PRKG1: variants seen among roughly 807,000 people sequenced by gnomAD.
PRKG1 encodes the protein protein kinase cGMP-dependent 1, also known as cGMP-dependent protein kinase 1.
Under a neutral mutation model 88.1 loss-of-function variants are expected in PRKG1, and 35 were observed. The observed-to-expected ratio is 0.40, with a 90% confidence interval of 0.30 to 0.53. The LOEUF (loss-of-function observed/expected upper bound fraction) is 0.53, where lower values mean the gene tolerates loss of function less well. Ranked by LOEUF, PRKG1 falls within the 20% of genes least tolerant of loss-of-function variation. PRKG1 has a pLI of 0.59. For synonymous variants in PRKG1, 303 were observed against 292.5 expected (o/e 1.04, Z -0.37); for missense variants, 540 against 839.8 (o/e 0.64, Z 4.41).
At chr10:52,228,585 C>T (rs1056512092) in intron 9 of PRKG1, among the ~76,000 whole-genome samples, 4 of 152,198 alleles carry the variant, frequency 2.6e-5, no homozygotes, top group African/African-American at 9.6e-5. Context: ...GAGCAAACAT[C>T]TGCTCCCCTT....
At chr10:52,088,378 T>C (rs1846968803) in intron 7 of PRKG1, among the ~76,000 whole-genome samples, 1 of 151,278 alleles carries the variant, frequency 6.6e-6, no homozygotes, top group Non-Finnish European at 1.5e-5. Flanking sequence ...TATATATTTA[T>C]ATATTCAATT....
intron 5 of PRKG1, among the ~76,000 whole-genome samples, chr10:52,011,472 C>T (rs1389558802): frequency 6.6e-6 from 1 of 152,144 alleles, no homozygotes; most frequent in Non-Finnish European, 1.5e-5. Flanking sequence ...CTCCCCTCCG[C>T]CTCCTTTTTT....
intron 2 of PRKG1, among the ~76,000 whole-genome samples, chr10:51,287,374 T>C (rs1264564732): frequency 6.6e-6 from 1 of 152,198 alleles, no homozygotes; most frequent in Non-Finnish European, 1.5e-5. Flanking sequence ...TTTGAGAAGA[T>C]ACCTGTGTGT....
chr10:51,737,815 G>A (rs1165082793), intron 3 of PRKG1, among the ~76,000 whole-genome samples: 1 of 150,822 alleles, frequency 6.6e-6, no homozygotes, highest in Non-Finnish European at 1.5e-5. Context: ...CCAGGCTGGA[G>A]TGCAATGGCA....
chr10:51,059,038 T>C (rs1204008487), intron 1 of PRKG1, among the ~76,000 whole-genome samples: 1 of 152,228 alleles, frequency 6.6e-6, no homozygotes, highest in East Asian at 1.9e-4. Flanking sequence ...TGTTTGTTTG[T>C]TTGTTACTGG....
At chr10:51,932,743 T>C (rs918546641) in intron 5 of PRKG1, among the ~76,000 whole-genome samples, 2 of 152,152 alleles carry the variant, frequency 1.3e-5, no homozygotes, top group Non-Finnish European at 2.9e-5. Flanking sequence ...TTGTGAAACC[T>C]TTCTGTAGCT....
At chr10:51,363,405 T>C (rs922483395) in intron 2 of PRKG1, among the ~76,000 whole-genome samples, 3 of 151,888 alleles carry the variant, frequency 2.0e-5, no homozygotes, top group Non-Finnish European at 4.4e-5. Context: ...AGGAGAAGAT[T>C]GTGAATATCA....
intron 3 of PRKG1, among the ~76,000 whole-genome samples, chr10:51,693,470 C>T (rs1841199958): frequency 6.6e-6 from 1 of 151,666 alleles, no homozygotes; most frequent in Non-Finnish European, 1.5e-5. Flanking sequence ...GGCACAATCT[C>T]GACTCACTTC....
intron 2 of PRKG1, among the ~76,000 whole-genome samples, chr10:51,462,848 T>A (rs1009546642): frequency 6.6e-6 from 1 of 152,200 alleles, no homozygotes; most frequent in Non-Finnish European, 1.5e-5. Context: ...GAATTTTTTT[T>A]ATATTTCTTC....
chr10:51,491,327 A>G (rs1313086853), intron 3 of PRKG1, among the ~76,000 whole-genome samples: 1 of 152,124 alleles, frequency 6.6e-6, no homozygotes, highest in Non-Finnish European at 1.5e-5. Context: ...CTCCTAAAGG[A>G]ATTTTCTCTC....
chr10:51,802,845 A>C (rs1156565185), intron 3 of PRKG1, among the ~76,000 whole-genome samples: 1 of 152,180 alleles, frequency 6.6e-6, no homozygotes, highest in African/African-American at 2.4e-5. Flanking sequence ...AAAATGCTGC[A>C]GATAGCTTGG....
At chr10:51,121,976 G>T (rs1327168310) in intron 1 of PRKG1, among the ~76,000 whole-genome samples, 3 of 152,140 alleles carry the variant, frequency 2.0e-5, no homozygotes, top group Non-Finnish European at 4.4e-5. Flanking sequence ...TCAAGAGCAG[G>T]CCCTTGTCAT....
chr10:52,065,290 T>C (rs1846329901), intron 7 of PRKG1, among the ~76,000 whole-genome samples: 1 of 152,140 alleles, frequency 6.6e-6, no homozygotes, highest in African/African-American at 2.4e-5. Context: ...CAATAAACAT[T>C]TATTTTTCTA....
Position 52,031,170 on chromosome 10 carries a change from G to A in PRKG1, c.763-23314G>A, listed in dbSNP as rs145447063. Among the ~76,000 whole-genome samples the A allele has an allele frequency of 1.5e-3, 231 of 152,224 alleles. 3 individuals are homozygous for A. Among genetic ancestry groups the A allele is most frequent in the Admixed American group, 0.013 (197 of 15,296 alleles). On this transcript the variant is annotated intron_variant, in intron 5 of 17. Transcript: ENST00000373980. ...GACCACTGGGAAGATTTATTCCAAC[G>A]CTGTTGCCTGTGAATTTCTCCTCCA...
chr10:51,041,301 TTG>T (rs1417067203), intron 1 of PRKG1, among the ~76,000 whole-genome samples: 11 of 151,700 alleles, frequency 7.3e-5, no homozygotes, highest in Non-Finnish European at 1.2e-4. Flanking sequence ...AGGAGCCTGC[TTG>T]GTGCTCTACC....
chr10:51,044,483 G>A (rs1369784709), intron 1 of PRKG1, among the ~76,000 whole-genome samples: 1 of 152,070 alleles, frequency 6.6e-6, no homozygotes, highest in South Asian at 2.1e-4. Flanking sequence ...TCTTTTGGTC[G>A]CTATCCCTTT....
At chr10:51,532,860 C>T (rs1207082075) in intron 3 of PRKG1, among the ~76,000 whole-genome samples, 1 of 152,106 alleles carries the variant, frequency 6.6e-6, no homozygotes, top group African/African-American at 2.4e-5. Flanking sequence ...TCTTTCCCCT[C>T]TCCCCTTCTC....
chr10:51,296,850 T>C (rs1840733823), intron 2 of PRKG1, among the ~76,000 whole-genome samples: 2 of 152,116 alleles, frequency 1.3e-5, no homozygotes, highest in African/African-American at 4.8e-5. Context: ...CCTAGTTACA[T>C]TGCCGCCTCT....
At chr10:51,125,072 A>G (rs1845362636) in intron 1 of PRKG1, among the ~76,000 whole-genome samples, 3 of 152,184 alleles carry the variant, frequency 2.0e-5, no homozygotes, top group Middle Eastern at 3.2e-3. Context: ...AATCACAGCA[A>G]TTTGGAAGGC....
Sources: allele counts gnomAD v4.1 joint callset (sites outside exome capture counted in the v4.1 genomes callset), GRCh38; gene constraint gnomAD v4.1.1; transcripts MANE v1.5; gene names NCBI Gene and HGNC (gene_info 2026-07-23, HGNC 2026-07-21).